TRIM7: variants seen among roughly 807,000 people sequenced by gnomAD.
TRIM7 encodes tripartite motif containing 7.
Under a neutral mutation model 37.9 loss-of-function variants are expected in TRIM7, and 32 were observed. The ratio of observed to expected loss-of-function variants is 0.84; its 90% confidence interval spans 0.64 to 1.13. The LOEUF (loss-of-function observed/expected upper bound fraction) is 1.13. Ranked by LOEUF, TRIM7 falls within the 50% of genes most tolerant of loss-of-function variation. The pLI is 0.00. For synonymous variants in TRIM7, 351 were observed against 321.3 expected (o/e 1.09, Z -0.99); for missense variants, 732 against 714.0 (o/e 1.03, Z -0.29).
rs886334640 is a variant in TRIM7, at chr5:181,200,593, G to A, written c.619-512C>T. On this transcript the variant is annotated intron_variant, in intron 2 of 6. Coordinates refer to ENST00000274773, the MANE Select transcript of TRIM7 (RefSeq NM_203293.3). ...TACAAAACTTGGGAGATGTAGGAAA[G>A]TAGAAAGAAGGAAGAAAAGTCCGAT... 4.0e-6 allele frequency: 4 copies of A among 1,002,862 alleles called. No individual in the cohort carries two copies. In the African/African-American group the frequency reaches 6.9e-5, roughly 17 times the overall value. 62.1% of individuals were successfully genotyped at this position (1,002,862 alleles called of 1,614,324 possible). A position where few individuals can be genotyped will look rare whatever the true frequency, so the allele number is the denominator to read the frequency against.
chr5:181,204,342 G>A (rs77207630), intron 1 of TRIM7: 67,115 of 1,205,534 alleles, frequency 0.056, 2,118 homozygotes, highest in Non-Finnish European at 0.062. Flanking sequence ...CGTCGCGCAG[G>A]CGGCCCAGTA....
chr5:181,204,361 A>T, intron 1 of TRIM7: 1 of 1,216,810 alleles, frequency 8.2e-7, no homozygotes, highest in Non-Finnish European at 1.0e-6. Flanking sequence ...TATCTGGCCC[A>T]GAGGGAAACG....
chr5:181,200,808 C>G, intron 2 of TRIM7: 6 of 985,588 alleles, frequency 6.1e-6, no homozygotes, highest in Non-Finnish European at 7.2e-6. Context: ...TATGTCCCAC[C>G]AGGAAGTTCC....
chr5:181,198,788 C>T lies in TRIM7; in HGVS notation c.890G>A (p.Gly297Asp). Reference sequence around the variant, plus strand: ...AGAAGAGACTGTGGTTGGCTTGGGGCCAGGCACATTGCTACACCTGCAGGA... The same window carrying T: ...AGAAGAGACTGTGGTTGGCTTGGGGTCAGGCACATTGCTACACCTGCAGGA... Reference protein sequence around the residue: ...STLSRCSNVPGPKPTTVSSEM... With the variant: ...STLSRCSNVPDPKPTTVSSEM... The change falls in exon 5 of 7, where the codon GGC becomes GAC. Residue 297 changes from glycine (G) to aspartate (D), a missense_variant. Gly to Asp is a moderately conservative substitution (Grantham distance 94). Transcript: ENST00000274773. 1 of 1,613,614 alleles carries T rather than the reference C, an allele frequency of 6.2e-7. No individual in the cohort carries two copies. Among genetic ancestry groups the T allele is most frequent in the South Asian group, 1.1e-5 (1 of 91,026 alleles).
intron 3 of TRIM7, 81 bp downstream of exon 3, chr5:181,199,770 C>T: frequency 6.7e-7 from 1 of 1,490,986 alleles, no homozygotes; most frequent in Admixed American, 2.2e-5. Flanking sequence ...CCTAGACCCC[C>T]CAGGACTGAC....
chr5:181,200,112 T>C (rs546493756), intron 2 of TRIM7, 31 bp from the exon 3 acceptor site: 12 of 1,614,150 alleles, frequency 7.4e-6, no homozygotes, highest in Non-Finnish European at 9.3e-6. Context: ...GGAGAGGGAC[T>C]TGAACATGGA....
At chr5:181,200,500 A>G in intron 2 of TRIM7, 1 of 1,081,584 alleles carries the variant, frequency 9.2e-7, no homozygotes, top group Non-Finnish European at 1.1e-6. Flanking sequence ...TCAAACTTTT[A>G]CACTTCACTT....
At position 181,203,599 on chromosome 5, in the gene TRIM7, C is replaced by T; in HGVS notation, c.564G>A (p.Leu188=). 1.9e-6 allele frequency: 3 copies of T among 1,614,046 alleles called. No homozygotes were observed. The highest frequency in any genetic ancestry group is 2.5e-6 in the Non-Finnish European group (3 of 1,179,982). ...TGGACCGGAACACCTCACAGTCCTCCAGTTCCTTCTTCAAGACCCTCAGCC... is the reference window on the plus strand; with the variant it reads ...TGGACCGGAACACCTCACAGTCCTCTAGTTCCTTCTTCAAGACCCTCAGCC... ...ESRLRVLKKE[L]EDCEVFRSTE... Residue 188 remains leucine (L), a synonymous_variant, in exon 2 of 7, where the codon CTG becomes CTA. Coordinates refer to ENST00000274773, the MANE Select transcript of TRIM7 (RefSeq NM_203293.3).
intron 6 of TRIM7, chr5:181,195,916 G>A (rs919678811): frequency 6.7e-6 from 3 of 451,112 alleles, no homozygotes; most frequent in Non-Finnish European, 1.2e-5. Flanking sequence ...TGTGGGCCTG[G>A]TTTGAACCCC....
In TRIM7 at chr5:181,199,093, A is replaced by G. The variant is rs1757319765; in HGVS notation, c.872+2T>C. On this transcript the variant is annotated splice_donor_variant, in intron 4 of 6. Coordinates refer to ENST00000274773, the MANE Select transcript of TRIM7 (RefSeq NM_203293.3). LOFTEE classifies it high-confidence loss of function. ...GGCCCCAGGAGCTGTGAGGTCACTC[A>G]CCTGCTCAGCGTGCTTTTGAATTCC... is the stretch of plus-strand genomic sequence containing the variant. 6.2e-7 allele frequency: 1 copy of G among 1,614,228 alleles called. No individual in the cohort carries two copies. The highest frequency in any genetic ancestry group is 1.1e-5 in the South Asian group (1 of 91,086).
intron 2 of TRIM7, chr5:181,202,938 A>T (rs1349909065): frequency 6.6e-6 from 1 of 152,312 alleles, no homozygotes; most frequent in East Asian, 1.9e-4. Context: ...ATAAAATATC[A>T]TTCCAACTTG....
Position 181,198,961 on chromosome 5 carries a change from G to A in TRIM7, c.872+134C>T, listed in dbSNP as rs1757309276. 5 of 1,302,372 alleles carry A rather than the reference G, an allele frequency of 3.8e-6. No individual in the cohort carries two copies. The East Asian group carries it at 9.2e-5, about 24-fold the overall frequency. The allele number at this position is 1,302,372 out of a possible 1,614,324, so 80.7% of individuals were successfully genotyped here. The stretch of plus-strand genomic sequence containing the variant: ...CCCATGGCCAGGCAGGTGGGCGTTT[G>A]TCTCGGAAGGTCCCCAGGCAAGCAA... On this transcript the variant is annotated intron_variant, in intron 4 of 6. Transcript: ENST00000274773.
chr5:181,195,243 G>T lies in TRIM7; in HGVS notation c.1459C>A (p.Arg487Ser), dbSNP rs1757020825. Residue 487 changes from arginine to serine, a missense_variant, in exon 7 of 7, where the codon CGC (arginine) becomes AGC (serine). Coordinates refer to ENST00000274773, the MANE Select transcript of TRIM7 (RefSeq NM_203293.3). ...AACACGCGCTCCTGGAAGTTGACGC[G>T]GAAGGTGTAGAGGTGGCGCATGTCC... ...VEDMRHLYTF[R>S]VNFQERVFPL... 6.2e-7 allele frequency: 1 copy of T among 1,612,612 alleles called. No homozygotes were observed. The highest frequency in any genetic ancestry group is 1.3e-5 in the African/African-American group (1 of 74,918).
In TRIM7 at chr5:181,195,117, A is replaced by C. The variant is rs1043948496; in HGVS notation, c.*49T>G. ...GACCAGGCATCTCTGGGGAGGCGAC[A>C]TCCCCTCCCACCGGCAGCCCAGAGA... On this transcript the variant is annotated 3_prime_UTR_variant, in exon 7 of 7. Coordinates refer to ENST00000274773, the MANE Select transcript of TRIM7 (RefSeq NM_203293.3). 4 of 1,546,542 alleles carry C rather than the reference A, an allele frequency of 2.6e-6. No individual in the cohort carries two copies. In the African/African-American group the frequency reaches 4.1e-5, roughly 16 times the overall value.
At position 181,203,433 on chromosome 5, in the gene TRIM7, T is replaced by A. The variant is rs1757628287; in HGVS notation, c.618+112A>T. 5 of 1,533,518 alleles carry A rather than the reference T, an allele frequency of 3.3e-6. No individual in the cohort carries two copies. In the South Asian group the frequency reaches 6.4e-5, roughly 20 times the overall value. 95.0% of individuals were successfully genotyped at this position (1,533,518 alleles called of 1,614,324 possible). On this transcript the variant is annotated intron_variant, in intron 2 of 6. Coordinates refer to ENST00000274773, the MANE Select transcript of TRIM7 (RefSeq NM_203293.3). ...TATGGACTCTATTATCTTTCTGAAATCGATTCTGCGGTTCCATAGCACACA... is the reference window on the plus strand; with the variant it reads ...TATGGACTCTATTATCTTTCTGAAAACGATTCTGCGGTTCCATAGCACACA...
intron 2 of TRIM7, 177 bp downstream of exon 2, chr5:181,203,368 G>T: frequency 3.5e-6 from 5 of 1,433,634 alleles, no homozygotes; most frequent in Non-Finnish European, 4.6e-6. Context: ...ACTTTAAAAA[G>T]CTCTGGTTTG....
chr5:181,198,994 G>T, intron 4 of TRIM7, 101 bp downstream of exon 4: 1 of 1,498,310 alleles, frequency 6.7e-7, no homozygotes, highest in South Asian at 1.1e-5. Flanking sequence ...CAAGTCGGGG[G>T]ATCAGGAGGT....
In TRIM7 at chr5:181,199,192, C is replaced by T. The variant is rs1475172268; in HGVS notation, c.850-75G>A. 16 of 1,554,052 alleles carry T rather than the reference C, an allele frequency of 1.0e-5. 1 individual carries two copies. The highest frequency in any genetic ancestry group is 1.7e-4 in the Middle Eastern group (1 of 5,984). ...CACCTCTGAGAAACAAAGCTTGCCC[C>T]TTGCTGTGCCTCCCAGATGTAAGCA... On this transcript the variant is annotated intron_variant, in intron 3 of 6. Transcript: ENST00000274773.
At chr5:181,203,142 C>G in intron 2 of TRIM7, 2 of 511,560 alleles carry the variant, frequency 3.9e-6, no homozygotes, top group South Asian at 8.2e-5. Context: ...GTTTTGTTGA[C>G]AAAACATGCC....
Sources: gnomAD v4.1 joint callset for allele counts on GRCh38, gnomAD v4.1.1 for gene constraint, MANE v1.5 for transcripts, NCBI Gene and HGNC (gene_info 2026-07-23, HGNC 2026-07-21) for gene names.